FHIT: variants seen among roughly 807,000 people sequenced by gnomAD.
FHIT encodes the protein fragile histidine triad diadenosine triphosphatase.
In FHIT, 19 loss-of-function variants were observed where a neutral mutation model predicts 17.9. The ratio of observed to expected loss-of-function variants is 1.06; its 90% CI spans 0.74 to 1.56. The LOEUF (loss-of-function observed/expected upper bound fraction) is 1.56, where lower values mean the gene tolerates loss of function less well. Ranked by LOEUF, FHIT falls within the 40% of genes most tolerant of loss-of-function variation. The probability of loss-of-function intolerance (pLI) is 0.00; values close to 1 mark genes in which losing one functional copy is unlikely to be tolerated. For synonymous variants in FHIT, 81 were observed against 69.7 expected (o/e 1.16, Z -0.81); for missense variants, 248 against 189.2 (o/e 1.31, Z -1.82).
intron 4 of FHIT, among the ~76,000 whole-genome samples, chr3:60,711,051 C>T (rs956521415): frequency 6.6e-5 from 10 of 152,146 alleles, no homozygotes; most frequent in South Asian, 2.1e-4. Flanking sequence ...ACACCTCACA[C>T]GGCTGGGTAC....
At chr3:61,174,806 C>T (rs932433894) in intron 2 of FHIT, among the ~76,000 whole-genome samples, 1 of 152,188 alleles carries the variant, frequency 6.6e-6, no homozygotes, top group Non-Finnish European at 1.5e-5. Flanking sequence ...ATTAAGATGT[C>T]ACCATGCAAT....
intron 4 of FHIT, among the ~76,000 whole-genome samples, chr3:60,762,290 T>A (rs1353511740): frequency 1.3e-5 from 2 of 152,126 alleles, no homozygotes; most frequent in Non-Finnish European, 2.9e-5. Context: ...CAAAAAGATA[T>A]CGGTTGATCA....
At chr3:60,704,414 C>G (rs2041322186) in intron 4 of FHIT, among the ~76,000 whole-genome samples, 1 of 152,156 alleles carries the variant, frequency 6.6e-6, no homozygotes. Context: ...ATATCTTCAA[C>G]TTTTCTACAA....
rs115237769 is a variant in FHIT, at chr3:61,039,155, T to C, written c.-111+2892A>G. Among the ~76,000 whole-genome samples the C allele has an allele frequency of 5.1e-3, 772 of 152,270 alleles. 6 individuals are homozygous for C. The highest frequency in any genetic ancestry group is 0.017 in the African/African-American group (712 of 41,564). Reference sequence around the variant, plus strand: ...CAATTGGCCGCAATTTCCAAGATACTGATGTAATCATGAAAGACACTCAAT... The same window carrying C: ...CAATTGGCCGCAATTTCCAAGATACCGATGTAATCATGAAAGACACTCAAT... On this transcript the variant is annotated intron_variant, in intron 3 of 9. Coordinates refer to ENST00000492590, the MANE Select transcript of FHIT (RefSeq NM_002012.4).
At chr3:59,880,293 C>A (rs931960587) in intron 8 of FHIT, among the ~76,000 whole-genome samples, 2 of 152,146 alleles carry the variant, frequency 1.3e-5, no homozygotes, top group African/African-American at 4.8e-5. Flanking sequence ...TCAGGGATCT[C>A]TCTCCTCCCT....
intron 2 of FHIT, among the ~76,000 whole-genome samples, chr3:61,096,021 C>T (rs2035627373): frequency 6.6e-6 from 1 of 152,214 alleles, no homozygotes; most frequent in African/African-American, 2.4e-5. Flanking sequence ...CTGCACTCTA[C>T]CTGACTTGCA....
intron 4 of FHIT, among the ~76,000 whole-genome samples, chr3:60,682,968 G>A (rs565055126): frequency 1.4e-4 from 22 of 152,296 alleles, no homozygotes; most frequent in Middle Eastern, 3.4e-3. Flanking sequence ...ACTTTGAGGG[G>A]TTCAAGACTT....
At chr3:60,927,717 C>T (rs1282243327) in intron 3 of FHIT, among the ~76,000 whole-genome samples, 3 of 150,806 alleles carry the variant, frequency 2.0e-5, no homozygotes, top group Non-Finnish European at 4.4e-5. Flanking sequence ...GCAGCCGCCC[C>T]GTCTGTGAGG....
Position 60,252,544 on chromosome 3 carries a change from A to C in FHIT, c.104-238392T>G, listed in dbSNP as rs1486696401. Among the ~76,000 whole-genome samples the C allele has an allele frequency of 2.6e-5, 4 of 152,148 alleles. 1 individual carries two copies. The highest frequency in any genetic ancestry group is 1.5e-5 in the Non-Finnish European group (1 of 68,028). ...ATGCTACTGCACTCTAGCCTGGGCG[A>C]CAGTGAAACTCTGCCTCGAAAAGAA... On this transcript the variant is annotated intron_variant, in intron 5 of 9. Coordinates refer to ENST00000492590, the MANE Select transcript of FHIT (RefSeq NM_002012.4).
chr3:60,012,863 T>C (rs1353317720), intron 6 of FHIT, among the ~76,000 whole-genome samples: 2 of 152,214 alleles, frequency 1.3e-5, no homozygotes, highest in Non-Finnish European at 2.9e-5. Context: ...GCAATGGCCA[T>C]TTCCTATAAA....
intron 4 of FHIT, among the ~76,000 whole-genome samples, chr3:60,548,321 A>C (rs151744): frequency 6.6e-5 from 10 of 152,226 alleles, no homozygotes; most frequent in African/African-American, 2.4e-4. Flanking sequence ...GTTATCAGAC[A>C]ACAAGCAGCT....
chr3:60,104,988 TCAA>T lies in FHIT; in HGVS notation c.104-90839_104-90837del, dbSNP rs1704347409. 1.3e-5 allele frequency among the ~76,000 whole-genome samples: 2 copies of T among 152,156 alleles called. 1 individual carries two copies. On this transcript the variant is annotated intron_variant, in intron 5 of 9. Transcript: ENST00000492590. ...GTATACTTTAAAATAAAATAAAAACTCAACAATAATGGAGCTCAATTAAGCATA... is the reference window on the plus strand; with the variant it reads ...GTATACTTTAAAATAAAATAAAAACTCAATAATGGAGCTCAATTAAGCATA...
intron 8 of FHIT, among the ~76,000 whole-genome samples, chr3:59,774,024 T>C (rs1220491214): frequency 6.6e-6 from 1 of 152,254 alleles, no homozygotes; most frequent in Non-Finnish European, 1.5e-5. Flanking sequence ...TAATTTTATC[T>C]GTTTTTTTAA....
chr3:59,781,177 G>C lies in FHIT; in HGVS notation c.349-28856C>G, dbSNP rs1441692734. The stretch of plus-strand genomic sequence containing the variant: ...CTGTGAGCAAGGCCTGACCTAGAAT[G>C]ACCTGTAACATCACCCCTGTCATGG... On this transcript the variant is annotated intron_variant, in intron 8 of 9. Coordinates refer to ENST00000492590, the MANE Select transcript of FHIT (RefSeq NM_002012.4). Among the ~76,000 whole-genome samples the C allele has an allele frequency of 2.0e-5, 3 of 152,148 alleles. No homozygotes were observed. In the East Asian group the frequency reaches 5.8e-4, roughly 29 times the overall value.
At chr3:60,931,579 G>A (rs1270292960) in intron 3 of FHIT, among the ~76,000 whole-genome samples, 3 of 137,682 alleles carry the variant, frequency 2.2e-5, no homozygotes, top group African/African-American at 7.5e-5. Context: ...CGCCTCAGAA[G>A]CTTCCGGCTT....
At chr3:59,995,755 C>T (rs1434840970) in intron 7 of FHIT, among the ~76,000 whole-genome samples, 1 of 152,076 alleles carries the variant, frequency 6.6e-6, no homozygotes. Flanking sequence ...GGGTATACCT[C>T]AGTCTTCAAC....
chr3:61,064,788 C>A (rs887641708), intron 2 of FHIT, among the ~76,000 whole-genome samples: 1 of 152,228 alleles, frequency 6.6e-6, no homozygotes, highest in African/African-American at 2.4e-5. Flanking sequence ...TCACAGTTGC[C>A]AGGCAACTGT....
intron 8 of FHIT, among the ~76,000 whole-genome samples, chr3:59,760,845 T>C (rs1701475273): frequency 6.6e-6 from 1 of 151,610 alleles, no homozygotes; most frequent in African/African-American, 2.4e-5. Flanking sequence ...TTTTTTTTTT[T>C]CGAGACAAGG....
At chr3:60,860,328 T>TG (rs1215859177) in intron 3 of FHIT, among the ~76,000 whole-genome samples, 2 of 145,786 alleles carry the variant, frequency 1.4e-5, no homozygotes, top group African/African-American at 5.3e-5. Flanking sequence ...ATACATCATA[T>TG]GTATACATGA....
Sources: gnomAD v4.1 joint callset for allele counts (sites outside exome capture counted in the v4.1 genomes callset) on GRCh38, gnomAD v4.1.1 for gene constraint, MANE v1.5 for transcripts, NCBI Gene and HGNC (gene_info 2026-07-23, HGNC 2026-07-21) for gene names.